RGS21: variants seen among roughly 807,000 people sequenced by gnomAD.
RGS21 encodes regulator of G protein signaling 21.
RGS21 carries 19 observed loss-of-function variants against 18.7 expected under a neutral mutation model. The ratio of observed to expected loss-of-function variants is 1.01; its 90% CI spans 0.71 to 1.49. The LOEUF is 1.49. Ranked by LOEUF, RGS21 falls within the 40% of genes most tolerant of loss-of-function variation. RGS21 has a pLI of 0.00. For missense variants in RGS21, 194 were observed against 176.8 expected (o/e 1.10, Z -0.55); for synonymous variants, 56 against 57.8 (o/e 0.97, Z 0.14).
chr1:192,331,545 C>CTAAATAAATAAATAAATAAA (rs200622803), intron 1 of RGS21, among the ~76,000 whole-genome samples: 18 of 143,830 alleles, frequency 1.3e-4, no homozygotes, highest in Admixed American at 8.2e-4. Context: ...GACTCCGTCT[C>CTAAATAAATAAATAAATAAA]TAAATAAATA....
intron 4 of RGS21, among the ~76,000 whole-genome samples, chr1:192,360,936 T>C (rs1259243464): frequency 6.6e-6 from 1 of 152,118 alleles, no homozygotes; most frequent in African/African-American, 2.4e-5. Context: ...CTTTTTACCT[T>C]AATCATCTTT....
At chr1:192,339,697 A>T (rs953790681) in intron 1 of RGS21, among the ~76,000 whole-genome samples, 1 of 152,052 alleles carries the variant, frequency 6.6e-6, no homozygotes, top group African/African-American at 2.4e-5. Context: ...TTGGACCAGC[A>T]TACTATACTT....
chr1:192,339,182 C>T (rs911358261), intron 1 of RGS21, among the ~76,000 whole-genome samples: 2 of 151,656 alleles, frequency 1.3e-5, no homozygotes, highest in African/African-American at 4.8e-5. Context: ...TCTTTTATGA[C>T]ATTCTTACTT....
intron 1 of RGS21, among the ~76,000 whole-genome samples, chr1:192,324,657 C>T (rs981592904): frequency 5.3e-4 from 81 of 152,026 alleles, no homozygotes; most frequent in African/African-American, 1.9e-3. Flanking sequence ...TTCACACACA[C>T]ACATAATTAT....
chr1:192,333,124 T>G (rs1392560072), intron 1 of RGS21, among the ~76,000 whole-genome samples: 2 of 152,062 alleles, frequency 1.3e-5, no homozygotes, highest in East Asian at 3.8e-4. Flanking sequence ...GAGTTATCAC[T>G]GCCGATCTAG....
At chr1:192,365,874 T>G in intron 4 of RGS21, 47 bp from the exon 5 acceptor site, 1 of 1,049,674 alleles carries the variant, frequency 9.5e-7, no homozygotes, top group Non-Finnish European at 1.5e-6. Context: ...AAACTATACA[T>G]TCTTTGATTA....
At chr1:192,343,372 G>T (rs1295435826) in intron 2 of RGS21, among the ~76,000 whole-genome samples, 6 of 151,940 alleles carry the variant, frequency 3.9e-5, no homozygotes, top group African/African-American at 1.5e-4. Context: ...TTATCACAAC[G>T]TTTATTGAAA....
chr1:192,362,122 A>G (rs1014679483), intron 4 of RGS21, among the ~76,000 whole-genome samples: 3 of 152,178 alleles, frequency 2.0e-5, no homozygotes, highest in African/African-American at 7.2e-5. Context: ...GTTGATTTCA[A>G]AATAACATAT....
intron 4 of RGS21, among the ~76,000 whole-genome samples, chr1:192,355,785 C>A (rs1659103310): frequency 1.3e-5 from 2 of 150,728 alleles, no homozygotes; most frequent in Non-Finnish European, 3.0e-5. Context: ...ATAATATTTT[C>A]ATATTCAGCT....
At chr1:192,344,518 T>C (rs146492745) in intron 2 of RGS21, among the ~76,000 whole-genome samples, 1 of 152,216 alleles carries the variant, frequency 6.6e-6, no homozygotes, top group East Asian at 1.9e-4. Flanking sequence ...GTGGTATGCA[T>C]TGTAAACATC....
chr1:192,331,545 CTAAATAAA>C (rs200622803), intron 1 of RGS21, among the ~76,000 whole-genome samples: 2,573 of 143,806 alleles, frequency 0.018, 64 homozygotes, highest in African/African-American at 0.061. Context: ...GACTCCGTCT[CTAAATAAA>C]TAAATAAATA....
At position 192,366,995 on chromosome 1, in the gene RGS21, T is replaced by A. The variant is rs1659269383; in HGVS notation, c.*871T>A. On this transcript the variant is annotated 3_prime_UTR_variant, in exon 5 of 5. Coordinates refer to ENST00000417209, the MANE Select transcript of RGS21 (RefSeq NM_001039152.3). ...CAAACAATTTTTAAATGCATTTATT[T>A]TGAGATGTTCCTAAAATTGTTTCAT... 1 of 152,048 alleles carries A rather than the reference T, an allele frequency of 6.6e-6. No individual in the cohort carries two copies. The highest frequency in any genetic ancestry group is 6.6e-5 in the Admixed American group (1 of 15,232). 9.4% of individuals were successfully genotyped at this position (152,048 alleles called of 1,614,324 possible). A position where few individuals can be genotyped will look rare whatever the true frequency, so the allele number is the denominator to read the frequency against.
chr1:192,338,687 C>T (rs1319904890), intron 1 of RGS21, among the ~76,000 whole-genome samples: 2 of 152,084 alleles, frequency 1.3e-5, no homozygotes, highest in South Asian at 2.1e-4. Context: ...AAATTCCATG[C>T]CACACTGTAG....
In RGS21 at chr1:192,345,088, A is replaced by C. The variant is rs533453143; in HGVS notation, c.11+2041A>C. Among the ~76,000 whole-genome samples the C allele has an allele frequency of 3.3e-5, 5 of 152,250 alleles. 1 individual carries two copies. In the South Asian group the frequency reaches 1.0e-3, roughly 32 times the overall value. On this transcript the variant is annotated intron_variant, in intron 2 of 4. Transcript: ENST00000417209. The stretch of plus-strand genomic sequence containing the variant: ...TCTTACTGTTTCTCTACATTAATGA[A>C]GATGATACAAATAGCTATTATTTAT...
intron 3 of RGS21, among the ~76,000 whole-genome samples, chr1:192,348,166 C>T (rs559981772): frequency 8.6e-5 from 13 of 151,794 alleles, no homozygotes; most frequent in African/African-American, 2.4e-4. Context: ...GCTGGGACTA[C>T]GGGAGCATGC....
At chr1:192,358,619 T>C (rs1659141018) in intron 4 of RGS21, among the ~76,000 whole-genome samples, 1 of 152,078 alleles carries the variant, frequency 6.6e-6, no homozygotes, top group African/African-American at 2.4e-5. Context: ...CTTTGCATAA[T>C]GACAGTCTCC....
At chr1:192,353,091 A>G (rs1395179934) in intron 4 of RGS21, among the ~76,000 whole-genome samples, 1 of 152,034 alleles carries the variant, frequency 6.6e-6, no homozygotes, top group Non-Finnish European at 1.5e-5. Flanking sequence ...TGACATCTTT[A>G]TAAGTGACAG....
chr1:192,327,560 C>T (rs1166964192), intron 1 of RGS21, among the ~76,000 whole-genome samples: 2 of 152,088 alleles, frequency 1.3e-5, no homozygotes, highest in South Asian at 4.2e-4. Context: ...GCAACCTTCA[C>T]CTCCTAAATT....
chr1:192,327,756 A>G (rs1051877572), intron 1 of RGS21, among the ~76,000 whole-genome samples: 5 of 152,268 alleles, frequency 3.3e-5, no homozygotes, highest in African/African-American at 1.2e-4. Flanking sequence ...TACAGGTGTG[A>G]GCCACCACTG....
Sources: allele counts gnomAD v4.1 joint callset (sites outside exome capture counted in the v4.1 genomes callset), GRCh38; gene constraint gnomAD v4.1.1; transcripts MANE v1.5; gene names NCBI Gene and HGNC (gene_info 2026-07-23, HGNC 2026-07-21).